Variants in FTO observed in about 807,000 individuals in gnomAD.
FTO encodes alpha-ketoglutarate-dependent dioxygenase FTO.
A neutral mutation model predicts 63.9 loss-of-function variants in FTO; 47 were observed. That is an observed-to-expected ratio of 0.74 (90% CI 0.58 to 0.94). FTO has a LOEUF of 0.94. FTO is among the 40% of genes least tolerant of loss of function. The pLI is 0.00. For missense variants in FTO, 562 were observed against 618.1 expected, an observed-to-expected ratio of 0.91 and a Z score of 0.96; for synonymous variants, 207 against 224.4, an observed-to-expected ratio of 0.92 and a Z score of 0.69.
At chr16:54,013,091 C>T (rs2084365187) in intron 8 of FTO, among the ~76,000 whole-genome samples, 1 of 152,134 alleles carries the variant, frequency 6.6e-6, no homozygotes, top group African/African-American at 2.4e-5. Flanking sequence ...GAAGGATTCA[C>T]CATTCTAGAC....
chr16:53,939,527 C>G (rs377399090), intron 8 of FTO, among the ~76,000 whole-genome samples: 8 of 152,090 alleles, frequency 5.3e-5, no homozygotes, highest in Non-Finnish European at 1.2e-4. Context: ...AGTATATGCA[C>G]GAGATTGTGC....
At chr16:53,830,680 A>T (rs946544777) in intron 3 of FTO, among the ~76,000 whole-genome samples, 1 of 152,198 alleles carries the variant, frequency 6.6e-6, no homozygotes, top group African/African-American at 2.4e-5. Context: ...CAGGTGGATC[A>T]CAAGGTCAGG....
intron 3 of FTO, among the ~76,000 whole-genome samples, chr16:53,836,439 T>A (rs2079295764): frequency 6.6e-6 from 1 of 152,316 alleles, no homozygotes; most frequent in African/African-American, 2.4e-5. Flanking sequence ...AAAGAAGTAA[T>A]TTGTGTCTTC....
intron 1 of FTO, among the ~76,000 whole-genome samples, chr16:53,805,601 A>G (rs547873211): frequency 6.6e-6 from 1 of 152,004 alleles, no homozygotes; most frequent in African/African-American, 2.4e-5. Flanking sequence ...AGTGCACACC[A>G]CCACGCCTGG....
At position 53,803,253 on chromosome 16, in the gene FTO, G is replaced by A. The variant is rs74018594; in HGVS notation, c.46-6887G>A. Among the ~76,000 whole-genome samples the A allele has an allele frequency of 5.3e-3, 811 of 152,336 alleles. 9 individuals carry two copies. Among genetic ancestry groups the A allele is most frequent in the African/African-American group, 0.019 (782 of 41,576 alleles). On this transcript the variant is annotated intron_variant, in intron 1 of 8. Transcript: ENST00000471389. ...TGTTGCATTTAATTAGAAAGGAACA[G>A]TGTGACATTGAGTCTAGGGCTATCG... is the stretch of plus-strand genomic sequence containing the variant.
chr16:53,707,186 TC>T (rs902498660), intron 1 of FTO, among the ~76,000 whole-genome samples: 5 of 152,326 alleles, frequency 3.3e-5, no homozygotes, highest in African/African-American at 9.6e-5. Flanking sequence ...AGGGCCATAC[TC>T]CCTTTGAAGG....
chr16:53,707,408 C>T (rs2075651861), intron 1 of FTO, among the ~76,000 whole-genome samples: 1 of 152,182 alleles, frequency 6.6e-6, no homozygotes, highest in Admixed American at 6.5e-5. Context: ...ATCCTGAGAT[C>T]CTTAAGAGCC....
intron 7 of FTO, among the ~76,000 whole-genome samples, chr16:53,903,341 C>A (rs1237738179): frequency 1.3e-5 from 2 of 151,772 alleles, no homozygotes; most frequent in Non-Finnish European, 2.9e-5. Flanking sequence ...TCATTGCAAC[C>A]TTTGCCTCCT....
chr16:54,020,189 A>G (rs1258780959), intron 8 of FTO, among the ~76,000 whole-genome samples: 9 of 152,170 alleles, frequency 5.9e-5, no homozygotes, highest in African/African-American at 2.2e-4. Context: ...ATTTAATACT[A>G]TTTTGTCTTT....
chr16:54,063,755 G>T (rs2085649829), intron 8 of FTO: 1 of 150,862 alleles, frequency 6.6e-6, no homozygotes. Flanking sequence ...GCTATATCGG[G>T]GATCCAAAGG....
chr16:54,004,943 G>A (rs1004895829), intron 8 of FTO, among the ~76,000 whole-genome samples: 9 of 151,894 alleles, frequency 5.9e-5, no homozygotes, highest in African/African-American at 1.4e-4. Flanking sequence ...GGTGGCAGGT[G>A]CCTGTAGTCG....
chr16:53,931,452 G>A (rs552181435), intron 7 of FTO, among the ~76,000 whole-genome samples: 2 of 151,698 alleles, frequency 1.3e-5, no homozygotes, highest in Non-Finnish European at 2.9e-5. Context: ...GATTATAGAC[G>A]CCTGCCACCA....
chr16:53,985,239 G>T (rs2083639005), intron 8 of FTO, among the ~76,000 whole-genome samples: 1 of 152,198 alleles, frequency 6.6e-6, no homozygotes, highest in African/African-American at 2.4e-5. Context: ...TCAACACACT[G>T]TGAAACTTAA....
intron 1 of FTO, among the ~76,000 whole-genome samples, chr16:53,771,681 G>A (rs143717619): frequency 2.6e-5 from 4 of 152,102 alleles, no homozygotes; most frequent in East Asian, 1.9e-4. Flanking sequence ...TCACAGCAGC[G>A]TTATTCATGA....
At chr16:53,861,756 G>A (rs1340441917) in intron 4 of FTO, among the ~76,000 whole-genome samples, 1 of 151,924 alleles carries the variant, frequency 6.6e-6, no homozygotes, top group Non-Finnish European at 1.5e-5. Flanking sequence ...TTTTTGTACT[G>A]TGATTTAAAA....
intron 1 of FTO, among the ~76,000 whole-genome samples, chr16:53,768,567 A>G (rs1357560770): frequency 6.6e-6 from 1 of 152,132 alleles, no homozygotes; most frequent in Non-Finnish European, 1.5e-5. Context: ...CTTTTGATGC[A>G]CAAAGGGGCA....
chr16:53,827,557 T>C (rs532246693), intron 3 of FTO, among the ~76,000 whole-genome samples: 9 of 152,186 alleles, frequency 5.9e-5, no homozygotes, highest in Non-Finnish European at 1.2e-4. Flanking sequence ...GGAAAAGAGA[T>C]TTAAGAAAAA....
At chr16:53,763,672 G>A (rs899130849) in intron 1 of FTO, among the ~76,000 whole-genome samples, 2 of 152,324 alleles carry the variant, frequency 1.3e-5, no homozygotes, top group South Asian at 4.1e-4. Flanking sequence ...AGGTAGTAAT[G>A]TTGGAAGGGA....
intron 5 of FTO, among the ~76,000 whole-genome samples, chr16:53,878,238 C>T (rs553898991): frequency 2.4e-4 from 37 of 152,062 alleles, no homozygotes; most frequent in Admixed American, 1.4e-3. Flanking sequence ...GCAGAGGTTG[C>T]GGTGAGCCAA....
Sources: gnomAD v4.1 joint callset for allele counts (sites outside exome capture counted in the v4.1 genomes callset) on GRCh38, gnomAD v4.1.1 for gene constraint, MANE v1.5 for transcripts, NCBI Gene and HGNC (gene_info 2026-07-23, HGNC 2026-07-21) for gene names.